The following RSBN1L variants were observed in gnomAD, a reference collection of about 807,000 sequenced individuals.
RSBN1L encodes lysine-specific demethylase RSBN1L.
In RSBN1L, 30 loss-of-function variants were observed where a neutral mutation model predicts 67.7. The ratio of observed to expected loss-of-function variants is 0.44; its 90% CI spans 0.33 to 0.60. RSBN1L has a LOEUF of 0.60. Among genes scored for constraint, RSBN1L ranks in the 20% least tolerant of loss-of-function variants. The pLI, the probability that RSBN1L is intolerant of heterozygous loss-of-function variation, is 0.02. For missense variants in RSBN1L, 992 were observed against 1,031.7 expected (o/e 0.96, Z 0.53); for synonymous variants, 433 against 387.0 (o/e 1.12, Z -1.39).
At chr7:77,717,592 A>G (rs1025216290) in intron 1 of RSBN1L, among the ~76,000 whole-genome samples, 4 of 152,226 alleles carry the variant, frequency 2.6e-5, no homozygotes, top group Non-Finnish European at 4.4e-5. Flanking sequence ...AAAAATGGCA[A>G]AATCGATAAA....
At chr7:77,704,081 G>T (rs1417464238) in intron 1 of RSBN1L, among the ~76,000 whole-genome samples, 4 of 152,228 alleles carry the variant, frequency 2.6e-5, no homozygotes, top group Non-Finnish European at 5.9e-5. Flanking sequence ...CATAAGGGAT[G>T]CTAGTTCCTG....
rs1233008817 is a variant in RSBN1L, at chr7:77,768,926, A to G, written c.1625+123A>G. ...AGAGCATAATTGGAATATAAATTTA[A>G]AAATAGCGATACATGCTAATACAAT... is the stretch of plus-strand genomic sequence containing the variant. On this transcript the variant is annotated intron_variant, in intron 5 of 7. Transcript: ENST00000334955. 1.8e-5 allele frequency: 14 copies of G among 781,754 alleles called. No individual in the cohort carries two copies. In the East Asian group the frequency reaches 3.5e-4, roughly 20 times the overall value. 48.4% of individuals were successfully genotyped at this position (781,754 alleles called of 1,614,324 possible).
chr7:77,705,566 C>CAGTGGA (rs922486624), intron 1 of RSBN1L, among the ~76,000 whole-genome samples: 5 of 130,000 alleles, frequency 3.8e-5, no homozygotes, highest in Non-Finnish European at 6.1e-5. Context: ...GGCTGGAGTG[C>CAGTGGA]AGTGGCTCAA....
At chr7:77,761,892 A>G (rs147707265) in intron 3 of RSBN1L, among the ~76,000 whole-genome samples, 9 of 152,292 alleles carry the variant, frequency 5.9e-5, no homozygotes, top group African/African-American at 1.9e-4. Flanking sequence ...TCTAAGTTTA[A>G]ATATGTTTAT....
intron 3 of RSBN1L, among the ~76,000 whole-genome samples, chr7:77,761,381 CT>C (rs1791695305): frequency 6.6e-6 from 1 of 152,170 alleles, no homozygotes; most frequent in Admixed American, 6.5e-5. Flanking sequence ...GTGACATTTA[CT>C]GTGATTATTT....
At chr7:77,706,197 C>G (rs905461739) in intron 1 of RSBN1L, among the ~76,000 whole-genome samples, 1 of 152,044 alleles carries the variant, frequency 6.6e-6, no homozygotes, top group Non-Finnish European at 1.5e-5. Context: ...CTGCCTCGGC[C>G]TCCTGAGTAC....
chr7:77,743,898 AT>A (rs896880099), intron 2 of RSBN1L, among the ~76,000 whole-genome samples: 2 of 149,062 alleles, frequency 1.3e-5, no homozygotes, highest in African/African-American at 5.0e-5. Context: ...TTTTTATTTC[AT>A]TTTTTTTGTA....
chr7:77,715,497 G>C (rs1357645811), intron 1 of RSBN1L, among the ~76,000 whole-genome samples: 1 of 151,932 alleles, frequency 6.6e-6, no homozygotes. Context: ...TAGTCAAGAT[G>C]GGGGGCTCAC....
At chr7:77,728,784 T>C (rs536489349) in intron 1 of RSBN1L, among the ~76,000 whole-genome samples, 22 of 152,316 alleles carry the variant, frequency 1.4e-4, no homozygotes, top group African/African-American at 4.6e-4. Context: ...GATTTTTCTA[T>C]GGGGTGCCTC....
At chr7:77,776,552 A>C (rs1791917108) in intron 6 of RSBN1L, among the ~76,000 whole-genome samples, 1 of 152,190 alleles carries the variant, frequency 6.6e-6, no homozygotes, top group Admixed American at 6.5e-5. Context: ...AGCTTCTTTC[A>C]CTTAGCGTAG....
intron 1 of RSBN1L, among the ~76,000 whole-genome samples, chr7:77,703,602 C>T (rs1056153294): frequency 1.4e-5 from 2 of 147,918 alleles, no homozygotes; most frequent in Non-Finnish European, 3.0e-5. Flanking sequence ...GATTCTCCTG[C>T]CTCAGCCTCC....
At chr7:77,776,359 A>G (rs776325044) in intron 6 of RSBN1L, among the ~76,000 whole-genome samples, 26 of 152,236 alleles carry the variant, frequency 1.7e-4, no homozygotes, top group Non-Finnish European at 3.4e-4. Context: ...AACCACCACC[A>G]AAACGATAGA....
intron 1 of RSBN1L, among the ~76,000 whole-genome samples, chr7:77,698,695 C>T (rs1584270025): frequency 6.6e-6 from 1 of 152,182 alleles, no homozygotes; most frequent in Non-Finnish European, 1.5e-5. Context: ...ATTATTAATC[C>T]TGAATATAAA....
At chr7:77,772,092 TGAGAACCTG>T in intron 5 of RSBN1L, among the ~76,000 whole-genome samples, 1 of 152,202 alleles carries the variant, frequency 6.6e-6, no homozygotes, top group Non-Finnish European at 1.5e-5. Context: ...TTTGTGGGTT[TGAGAACCTG>T]TTAGGTTTCC....
rs1047073157 is a variant in RSBN1L at position 77,700,042 on chromosome 7, G to C, written c.586+2987G>C. 3.7e-4 allele frequency among the ~76,000 whole-genome samples: 56 copies of C among 152,110 alleles called. 1 individual carries two copies. Among genetic ancestry groups the C allele is most frequent in the Non-Finnish European group, 1.3e-4 (9 of 68,008 alleles). ...AAACTCCTGACCTTGTGATCTGCCT[G>C]CCTTGGCCTCCCAAAGTGCTGAGAT... On this transcript the variant is annotated intron_variant, in intron 1 of 7. Coordinates refer to ENST00000334955, the MANE Select transcript of RSBN1L (RefSeq NM_198467.3).
chr7:77,723,901 T>TC, intron 1 of RSBN1L, among the ~76,000 whole-genome samples: 1 of 152,002 alleles, frequency 6.6e-6, no homozygotes, highest in Admixed American at 6.6e-5. Context: ...GCCACTGCAC[T>TC]CCAGCCTGGG....
intron 2 of RSBN1L, among the ~76,000 whole-genome samples, chr7:77,737,633 T>C (rs1791354584): frequency 6.6e-6 from 1 of 151,550 alleles, no homozygotes; most frequent in African/African-American, 2.4e-5. Flanking sequence ...GCCTGCATAT[T>C]CTATCTGTGT....
intron 1 of RSBN1L, among the ~76,000 whole-genome samples, chr7:77,734,245 C>T (rs574265608): frequency 3.9e-5 from 6 of 152,102 alleles, no homozygotes; most frequent in South Asian, 2.1e-4. Flanking sequence ...TCTGTGGTGC[C>T]GTTTCACAAG....
At position 77,727,033 on chromosome 7, in the gene RSBN1L, G is replaced by T. The variant is rs56411721; in HGVS notation, c.587-9377G>T. On this transcript the variant is annotated intron_variant, in intron 1 of 7. Transcript: ENST00000334955. ...CTTGACCTCGTGATCCACCCGCCTT[G>T]GCCTCCCAAAGTGCTGGGATTACAG... 5.5e-3 allele frequency among the ~76,000 whole-genome samples: 831 copies of T among 151,458 alleles called. 4 individuals are homozygous for T. Among genetic ancestry groups the T allele is most frequent in the African/African-American group, 0.018 (753 of 41,236 alleles).
Sources: gnomAD v4.1 joint callset for allele counts (sites outside exome capture counted in the v4.1 genomes callset) on GRCh38, gnomAD v4.1.1 for gene constraint, MANE v1.5 for transcripts, NCBI Gene and HGNC (gene_info 2026-07-23, HGNC 2026-07-21) for gene names.